NRG3: variants seen among roughly 807,000 people sequenced by gnomAD.
NRG3 encodes neuregulin 3.
A neutral mutation model predicts 66.9 loss-of-function variants in NRG3; 31 were observed. The ratio of observed to expected loss-of-function variants is 0.46; its 90% CI spans 0.35 to 0.63. The LOEUF (loss-of-function observed/expected upper bound fraction) is 0.63. Among genes scored for constraint, NRG3 ranks in the 20% least tolerant of loss-of-function variants. The pLI is 0.00. For synonymous variants in NRG3, 393 were observed against 359.4 expected (o/e 1.09, Z -1.06); for missense variants, 910 against 878.9 (o/e 1.04, Z -0.45).
intron 2 of NRG3, among the ~76,000 whole-genome samples, chr10:82,535,662 A>T (rs1847739537): frequency 6.6e-6 from 1 of 152,186 alleles, no homozygotes; most frequent in South Asian, 2.1e-4. Context: ...GAGAACCTGC[A>T]TATGAGAGAT....
chr10:82,500,227 A>C (rs1174445146), intron 2 of NRG3, among the ~76,000 whole-genome samples: 1 of 152,124 alleles, frequency 6.6e-6, no homozygotes, highest in Admixed American at 6.6e-5. Flanking sequence ...GAAATCTTAC[A>C]ATTAGCCTCT....
intron 2 of NRG3, among the ~76,000 whole-genome samples, chr10:82,582,817 A>G (rs1452194910): frequency 6.6e-6 from 1 of 152,168 alleles, no homozygotes; most frequent in Non-Finnish European, 1.5e-5. Flanking sequence ...AAAGTGCTTT[A>G]CATTTAATAA....
intron 2 of NRG3, among the ~76,000 whole-genome samples, chr10:82,519,025 C>T (rs895472479): frequency 6.6e-6 from 1 of 152,164 alleles, no homozygotes; most frequent in African/African-American, 2.4e-5. Context: ...CTGGCCTGTG[C>T]AGCTACAATG....
At chr10:82,076,221 A>G (rs572923278) in intron 1 of NRG3, among the ~76,000 whole-genome samples, 2 of 152,126 alleles carry the variant, frequency 1.3e-5, no homozygotes, top group Non-Finnish European at 1.5e-5. Flanking sequence ...CTTAAGTAAA[A>G]TGTGTCAGGG....
intron 3 of NRG3, among the ~76,000 whole-genome samples, chr10:82,830,026 T>C (rs2062438098): frequency 6.6e-6 from 1 of 152,150 alleles, no homozygotes; most frequent in South Asian, 2.1e-4. Flanking sequence ...GAGTTCCGTA[T>C]CTTCTCATGG....
intron 2 of NRG3, among the ~76,000 whole-genome samples, chr10:82,525,393 T>G (rs2132586659): frequency 6.6e-6 from 1 of 151,842 alleles, no homozygotes. Context: ...CCTCCTAACG[T>G]TGAGGGGGTA....
chr10:82,986,216 A>G lies in NRG3; in HGVS notation c.*611A>G, dbSNP rs1424637623. 6.6e-6 allele frequency: 1 copy of G among 152,302 alleles called. No homozygotes were observed. The highest frequency in any genetic ancestry group is 1.5e-5 in the Non-Finnish European group (1 of 68,112). 9.4% of individuals were successfully genotyped at this position (152,302 alleles called of 1,614,324 possible). ...TGTGCCACCTTCCTCTGAGATTTGA[A>G]TGCACAGATCTCAGCTGGAGGTATG... On this transcript the variant is annotated 3_prime_UTR_variant, in exon 9 of 9. Transcript: ENST00000372141.
intron 3 of NRG3, among the ~76,000 whole-genome samples, chr10:82,814,054 A>G (rs1198656896): frequency 6.6e-6 from 1 of 152,218 alleles, no homozygotes; most frequent in Non-Finnish European, 1.5e-5. Flanking sequence ...TTTCATTGCT[A>G]ATCATTGTTC....
At chr10:82,431,598 A>G (rs996541538) in intron 2 of NRG3, among the ~76,000 whole-genome samples, 3 of 152,176 alleles carry the variant, frequency 2.0e-5, no homozygotes, top group Admixed American at 6.5e-5. Context: ...CTATTCCACT[A>G]TTCGGAAAGT....
At chr10:81,963,571 T>A (rs2059612481) in intron 1 of NRG3, among the ~76,000 whole-genome samples, 1 of 152,244 alleles carries the variant, frequency 6.6e-6, no homozygotes, top group Non-Finnish European at 1.5e-5. Context: ...GTCTAAGTTT[T>A]GCCTTTTAAT....
chr10:82,106,886 G>A (rs2067100872), intron 1 of NRG3, among the ~76,000 whole-genome samples: 1 of 152,062 alleles, frequency 6.6e-6, no homozygotes, highest in African/African-American at 2.4e-5. Context: ...CTTGCAAAAA[G>A]AGAAATGAAA....
chr10:81,879,861 AAT>A (rs1326760015), intron 1 of NRG3, among the ~76,000 whole-genome samples: 1 of 152,236 alleles, frequency 6.6e-6, no homozygotes, highest in Admixed American at 6.5e-5. Context: ...CCTCAGATAT[AAT>A]TTGTTTAAAT....
chr10:82,232,456 T>TA (rs1306204743), intron 1 of NRG3: 10 of 291,582 alleles, frequency 3.4e-5, no homozygotes, highest in Non-Finnish European at 6.8e-5. Context: ...ACATCCCCAC[T>TA]CCCTCTGTGT....
intron 1 of NRG3, among the ~76,000 whole-genome samples, chr10:81,988,289 A>G (rs568938520): frequency 5.8e-4 from 89 of 152,294 alleles, no homozygotes; most frequent in African/African-American, 2.1e-3. Flanking sequence ...CTCAGTTCAA[A>G]TAAGGCTCTG....
chr10:82,214,248 G>C (rs1370177553), intron 1 of NRG3, among the ~76,000 whole-genome samples: 1 of 152,042 alleles, frequency 6.6e-6, no homozygotes, highest in East Asian at 1.9e-4. Flanking sequence ...TTGGAGAAGG[G>C]ACCAAGCCTC....
chr10:82,723,471 A>G (rs1195956783), intron 2 of NRG3, among the ~76,000 whole-genome samples: 10 of 152,324 alleles, frequency 6.6e-5, no homozygotes. Context: ...TCTAAAATAA[A>G]AGTTTAAATT....
chr10:82,703,055 T>TC (rs2056015966), intron 2 of NRG3, among the ~76,000 whole-genome samples: 1 of 94,056 alleles, frequency 1.1e-5, no homozygotes, highest in African/African-American at 2.9e-5. Context: ...TTCTTTTGTC[T>TC]TTCTCTCTCT....
chr10:82,364,163 G>A (rs1589860148), intron 2 of NRG3, among the ~76,000 whole-genome samples: 1 of 152,038 alleles, frequency 6.6e-6, no homozygotes, highest in East Asian at 1.9e-4. Context: ...TAGTGTCCTT[G>A]TCTCTTTAAA....
chr10:82,068,920 C>T (rs1186353737), intron 1 of NRG3, among the ~76,000 whole-genome samples: 4 of 152,106 alleles, frequency 2.6e-5, no homozygotes, highest in Non-Finnish European at 5.9e-5. Flanking sequence ...TTCAATAAGT[C>T]ACAGTGGAAT....
Sources: allele counts gnomAD v4.1 joint callset (sites outside exome capture counted in the v4.1 genomes callset), GRCh38; gene constraint gnomAD v4.1.1; transcripts MANE v1.5; gene names NCBI Gene and HGNC (gene_info 2026-07-23, HGNC 2026-07-21).